Variants in CEP89 observed in about 807,000 individuals in gnomAD.
The protein encoded by CEP89 is centrosomal protein of 89 kDa.
CEP89 carries 95 observed loss-of-function variants against 97.6 expected under a neutral mutation model. The ratio of observed to expected loss-of-function variants is 0.97; its 90% CI spans 0.82 to 1.15. CEP89 has a LOEUF of 1.15. Among genes scored for constraint, CEP89 ranks in the 50% most tolerant of loss-of-function variants. The pLI, the probability that CEP89 is intolerant of heterozygous loss-of-function variation, is 0.00. For synonymous variants in CEP89, 354 were observed against 349.1 expected (o/e 1.01, Z -0.16); for missense variants, 869 against 947.7 (o/e 0.92, Z 1.09).
chr19:32,911,992 C>T (rs561120761), intron 14 of CEP89, among the ~76,000 whole-genome samples: 2 of 152,070 alleles, frequency 1.3e-5, no homozygotes, highest in Admixed American at 1.3e-4. Context: ...TTTGGGAGGC[C>T]TAGGCAGGCG....
At chr19:32,958,456 G>A (rs947525866) in intron 3 of CEP89, among the ~76,000 whole-genome samples, 3 of 140,396 alleles carry the variant, frequency 2.1e-5, no homozygotes, top group Admixed American at 1.5e-4. Flanking sequence ...AGGCCAAGGT[G>A]GGCGGATCAC....
At position 32,918,266 on chromosome 19, in the gene CEP89, G is replaced by A. The variant is rs1970171629; in HGVS notation, c.1342C>T (p.Gln448Ter). ...TGGTGGCTGTCCTTGGCTTTCCTTT[G>A]CTGAATCTCCAACTGCTCCAGCAAC... ...KLLLEQLEIQ[Q>*]RKAKDSHQER... The change falls in exon 13 of 19, where the codon CAA (glutamine) becomes TAA (stop). Residue 448 changes from glutamine (Q) to a stop codon, truncating the protein, a stop_gained. Transcript: ENST00000305768. LOFTEE classifies it high-confidence loss of function. 1.2e-6 allele frequency: 2 copies of A among 1,614,032 alleles called. No individual in the cohort carries two copies. The highest frequency in any genetic ancestry group is 1.7e-6 in the Non-Finnish European group (2 of 1,180,038).
At chr19:32,960,156 G>T in intron 2 of CEP89, 98 bp from the exon 3 acceptor site, 1 of 1,281,632 alleles carries the variant, frequency 7.8e-7, no homozygotes, top group Non-Finnish European at 1.1e-6. Flanking sequence ...CCTTCTGCTG[G>T]ACAGTGTCGA....
chr19:32,931,710 G>T lies in CEP89; in HGVS notation c.887-139C>A, dbSNP rs137911456. The T allele has an allele frequency of 9.5e-4, 573 of 600,956 alleles. 3 individuals are homozygous for T. The highest frequency in any genetic ancestry group is 9.5e-3 in the African/African-American group (489 of 51,710). 37.2% of individuals were successfully genotyped at this position (600,956 alleles called of 1,614,324 possible). On this transcript the variant is annotated intron_variant, in intron 8 of 18. Transcript: ENST00000305768. ...ACTGTGTGTGCGTGTGTGTCTGTGT[G>T]TGTATGTGTGTCTGTGTGTGTGAAT...
At chr19:32,912,179 G>A (rs1364837688) in intron 14 of CEP89, among the ~76,000 whole-genome samples, 1 of 151,006 alleles carries the variant, frequency 6.6e-6, no homozygotes, top group Non-Finnish European at 1.5e-5. Flanking sequence ...CTCCAGCCTG[G>A]GTGACAGAGT....
chr19:32,933,843 G>A (rs181085096), intron 7 of CEP89, among the ~76,000 whole-genome samples, 174 bp from the exon 8 acceptor site: 6 of 152,348 alleles, frequency 3.9e-5, no homozygotes, highest in Admixed American at 3.9e-4. Context: ...GTCACAGCGG[G>A]TGGCAGGAAG....
Position 32,926,269 on chromosome 19 carries a change from T to G in CEP89, c.1085A>C (p.Asp362Ala). 1.9e-6 allele frequency: 3 copies of G among 1,608,754 alleles called. No individual in the cohort carries two copies. Among genetic ancestry groups the G allele is most frequent in the Admixed American group, 1.7e-5 (1 of 59,994 alleles). The part of the protein sequence containing the change: ...SKGPIPPWLL[D>A]IKYLSPLLLA... ...CAACAATGGTGACAGGTACTTTATA[T>G]CCAACTGAAGATAGAGAGTAAAGGA... Residue 362 changes from aspartate (D) to alanine (A), a missense_variant, in exon 11 of 19, where the codon GAT becomes GCT. Asp to Ala is a moderately radical substitution (Grantham distance 126). Transcript: ENST00000305768.
chr19:32,913,813 A>T (rs933473698), intron 14 of CEP89, among the ~76,000 whole-genome samples: 3 of 151,584 alleles, frequency 2.0e-5, no homozygotes, highest in African/African-American at 7.3e-5. Flanking sequence ...TAATTTTTAT[A>T]CTTTCAGTAG....
chr19:32,910,030 G>A (rs1211717298), intron 14 of CEP89, among the ~76,000 whole-genome samples: 1 of 152,204 alleles, frequency 6.6e-6, no homozygotes, highest in Non-Finnish European at 1.5e-5. Flanking sequence ...GGAGGCTGAG[G>A]CAGGCAGAAT....
intron 5 of CEP89, among the ~76,000 whole-genome samples, chr19:32,946,221 C>T (rs1266153176): frequency 6.6e-6 from 1 of 152,184 alleles, no homozygotes; most frequent in Non-Finnish European, 1.5e-5. Context: ...CCCATCTCAG[C>T]CTCCTGCATA....
At chr19:32,917,501 T>C (rs538118901) in intron 13 of CEP89, among the ~76,000 whole-genome samples, 1 of 152,266 alleles carries the variant, frequency 6.6e-6, no homozygotes, top group African/African-American at 2.4e-5. Context: ...TCCATCTGCT[T>C]CTCAGGGTGC....
rs759162375 is a variant in CEP89, at chr19:32,915,293, GAAAAAAGAAAAAAAAA to G, written c.1565+28_1565+43del. On this transcript the variant is annotated intron_variant, in intron 14 of 18. Coordinates refer to ENST00000305768, the MANE Select transcript of CEP89 (RefSeq NM_032816.5). ...GAGCAACATAGCAAGACCCTGTCTCGAAAAAAGAAAAAAAAAAAAAAAGAAAAAACATTAAATCCTT... is the reference window on the plus strand; with the variant it reads ...GAGCAACATAGCAAGACCCTGTCTCGAAAAAAGAAAAAACATTAAATCCTT... 2.5e-5 allele frequency: 36 copies of G among 1,465,568 alleles called. No homozygotes were observed. In the African/African-American group the frequency reaches 3.3e-4, roughly 14 times the overall value. The allele number at this position is 1,465,568 out of a possible 1,614,324, so 90.8% of individuals were successfully genotyped here.
chr19:32,898,404 G>T (rs945317543), intron 16 of CEP89, among the ~76,000 whole-genome samples: 33 of 152,164 alleles, frequency 2.2e-4, no homozygotes, highest in Admixed American at 9.8e-4. Flanking sequence ...TGTGTTTGTG[G>T]GGGGCTGGGG....
At chr19:32,905,367 A>G (rs531332896) in intron 14 of CEP89, among the ~76,000 whole-genome samples, 33 of 152,340 alleles carry the variant, frequency 2.2e-4, no homozygotes, top group Non-Finnish European at 4.6e-4. Flanking sequence ...ACCTCATTAG[A>G]TTAAGGAGCA....
chr19:32,971,064 C>G (rs1272027072), intron 1 of CEP89: 2 of 155,312 alleles, frequency 1.3e-5, no homozygotes, highest in African/African-American at 4.8e-5. Flanking sequence ...ATCCCCTTGG[C>G]TGCTACGTGG....
intron 14 of CEP89, among the ~76,000 whole-genome samples, chr19:32,911,557 G>A (rs1970000851): frequency 6.6e-6 from 1 of 152,230 alleles, no homozygotes; most frequent in African/African-American, 2.4e-5. Flanking sequence ...GGAGGCTGAA[G>A]CGGAGGATAG....
intron 2 of CEP89, chr19:32,966,110 A>T (rs1971277639): frequency 2.3e-5 from 8 of 352,762 alleles, no homozygotes; most frequent in Middle Eastern, 7.1e-4. Context: ...ATTTTTTTTT[A>T]AATACTCATT....
chr19:32,890,713 C>T (rs956587537), intron 16 of CEP89, among the ~76,000 whole-genome samples: 11 of 152,126 alleles, frequency 7.2e-5, no homozygotes, highest in African/African-American at 2.7e-4. Context: ...CTCCTGTGAT[C>T]CCAGCCCCAG....
chr19:32,958,184 A>AT (rs1971091215), intron 3 of CEP89, among the ~76,000 whole-genome samples: 1 of 152,134 alleles, frequency 6.6e-6, no homozygotes, highest in Admixed American at 6.6e-5. Flanking sequence ...GAAAAAAAAA[A>AT]AGGTTAAATT....
Sources: gnomAD v4.1 joint callset for allele counts (sites outside exome capture counted in the v4.1 genomes callset) on GRCh38, gnomAD v4.1.1 for gene constraint, MANE v1.5 for transcripts, NCBI Gene and HGNC (gene_info 2026-07-23, HGNC 2026-07-21) for gene names.